MACROD2: variants seen among roughly 807,000 people sequenced by gnomAD.
MACROD2 encodes the protein mono-ADP ribosylhydrolase 2, also known as ADP-ribose glycohydrolase MACROD2.
Under a neutral mutation model 70.4 loss-of-function variants are expected in MACROD2, and 36 were observed. The ratio of observed to expected loss-of-function variants is 0.51; its 90% CI spans 0.39 to 0.68. MACROD2 has a LOEUF of 0.68. Among genes scored for constraint, MACROD2 ranks in the 30% least tolerant of loss-of-function variants. MACROD2 has a pLI of 0.00. For synonymous variants in MACROD2, 172 were observed against 178.8 expected, an observed-to-expected ratio of 0.96 and a Z score of 0.30; for missense variants, 496 against 538.4, an observed-to-expected ratio of 0.92 and a Z score of 0.78.
At chr20:14,943,475 ATT>A (rs2074406734) in intron 5 of MACROD2, among the ~76,000 whole-genome samples, 1 of 149,528 alleles carries the variant, frequency 6.7e-6, no homozygotes, top group Non-Finnish European at 1.5e-5. Flanking sequence ...TTTAAAGTTT[ATT>A]AAGTCTAATT....
intron 4 of MACROD2, chr20:14,622,917 C>G (rs984935858): frequency 2.0e-5 from 3 of 152,200 alleles, no homozygotes; most frequent in African/African-American, 7.2e-5. Flanking sequence ...AACCGAGGCA[C>G]TATTTCCCCA....
At chr20:15,460,164 C>T (rs1025801520) in intron 7 of MACROD2, among the ~76,000 whole-genome samples, 2 of 152,140 alleles carry the variant, frequency 1.3e-5, no homozygotes, top group Non-Finnish European at 2.9e-5. Context: ...ACTCTACTCC[C>T]GTTTGAACCC....
intron 3 of MACROD2, among the ~76,000 whole-genome samples, chr20:14,445,039 C>G (rs987336333): frequency 6.6e-6 from 1 of 152,032 alleles, no homozygotes; most frequent in Non-Finnish European, 1.5e-5. Context: ...AACACAGCAG[C>G]CAATGTGGTC....
intron 5 of MACROD2, among the ~76,000 whole-genome samples, chr20:14,940,860 T>C (rs1231392922): frequency 6.6e-6 from 1 of 152,150 alleles, no homozygotes; most frequent in East Asian, 1.9e-4. Flanking sequence ...GTTTTCTTTG[T>C]TTGTTGTGTC....
At chr20:14,651,777 C>T (rs555345393) in intron 4 of MACROD2, among the ~76,000 whole-genome samples, 1 of 152,304 alleles carries the variant, frequency 6.6e-6, no homozygotes, top group East Asian at 1.9e-4. Flanking sequence ...TCTGCATGGA[C>T]TCCAACTATC....
chr20:14,527,444 C>T (rs555891642), intron 4 of MACROD2, among the ~76,000 whole-genome samples: 1 of 152,046 alleles, frequency 6.6e-6, no homozygotes, highest in Non-Finnish European at 1.5e-5. Context: ...TTAAAGGGAC[C>T]ACTCTCTTCC....
At chr20:14,132,635 T>G (rs1258950605) in intron 3 of MACROD2, among the ~76,000 whole-genome samples, 1 of 152,144 alleles carries the variant, frequency 6.6e-6, no homozygotes, top group Non-Finnish European at 1.5e-5. Flanking sequence ...GAAATCTGTT[T>G]CTTTTTCTTT....
rs184386463 is a variant in MACROD2, at chr20:14,793,972, G to A, written c.418+109013G>A. ...GCCAGTTTCATACCAGTGTCCTATG[G>A]CAGAATCTAACAGGGAGCCAGCTGT... On this transcript the variant is annotated intron_variant, in intron 5 of 17. Coordinates refer to ENST00000684519, the MANE Select transcript of MACROD2 (RefSeq NM_001351661.2). Among the ~76,000 whole-genome samples, 385 of 152,164 alleles carry A rather than the reference G, an allele frequency of 2.5e-3. 9 individuals are homozygous for A. Among genetic ancestry groups the A allele is most frequent in the Admixed American group, 0.024 (365 of 15,272 alleles).
At chr20:15,165,799 A>G (rs2076379735) in intron 5 of MACROD2, among the ~76,000 whole-genome samples, 1 of 152,210 alleles carries the variant, frequency 6.6e-6, no homozygotes, top group African/African-American at 2.4e-5. Flanking sequence ...TAAGAATATA[A>G]GGGTTTTTTT....
chr20:14,498,581 G>C (rs2084882259), intron 4 of MACROD2, among the ~76,000 whole-genome samples: 1 of 152,168 alleles, frequency 6.6e-6, no homozygotes, highest in African/African-American at 2.4e-5. Flanking sequence ...GGATTCTGCT[G>C]GCATAGTCTT....
At chr20:15,078,674 C>G (rs944043289) in intron 5 of MACROD2, among the ~76,000 whole-genome samples, 3 of 151,718 alleles carry the variant, frequency 2.0e-5, no homozygotes, top group African/African-American at 7.3e-5. Flanking sequence ...TCACTAGTTA[C>G]ATACCTCCTT....
At chr20:16,024,596 G>A (rs1298096788) in intron 15 of MACROD2, among the ~76,000 whole-genome samples, 2 of 152,084 alleles carry the variant, frequency 1.3e-5, no homozygotes, top group Non-Finnish European at 2.9e-5. Context: ...ACTGGTAAAG[G>A]AGAGCCTGCC....
At chr20:14,292,725 C>T (rs770446086) in intron 3 of MACROD2, among the ~76,000 whole-genome samples, 5 of 151,132 alleles carry the variant, frequency 3.3e-5, no homozygotes, top group Non-Finnish European at 7.4e-5. Context: ...ACCTCCGCCT[C>T]CCAGGTTCAA....
At chr20:14,053,965 G>T (rs138196385) in intron 2 of MACROD2, among the ~76,000 whole-genome samples, 3 of 151,922 alleles carry the variant, frequency 2.0e-5, no homozygotes, top group East Asian at 3.9e-4. Context: ...GATCCTAAAC[G>T]GTAAATTAAT....
chr20:15,369,359 CA>C lies in MACROD2; in HGVS notation c.541-62045del, dbSNP rs530628891. On this transcript the variant is annotated intron_variant, in intron 6 of 17. Transcript: ENST00000684519. ...GGTTAGTGGGAAAATACCGTTTTGA[CA>C]GCAGACTTCTGACAGCTTAATAATA... 2.9e-3 allele frequency among the ~76,000 whole-genome samples: 444 copies of C among 152,302 alleles called. 3 individuals are homozygous for C. The highest frequency in any genetic ancestry group is 5.8e-3 in the South Asian group (28 of 4,826).
chr20:14,005,268 A>C (rs1355888470), intron 2 of MACROD2, among the ~76,000 whole-genome samples: 1 of 152,170 alleles, frequency 6.6e-6, no homozygotes, highest in Non-Finnish European at 1.5e-5. Flanking sequence ...ATTACCAAAA[A>C]ATAAAAATAA....
At chr20:14,773,463 C>T (rs758430457) in intron 5 of MACROD2, among the ~76,000 whole-genome samples, 2 of 152,032 alleles carry the variant, frequency 1.3e-5, no homozygotes, top group Non-Finnish European at 2.9e-5. Flanking sequence ...TAAATGAAAT[C>T]ATATATTTGT....
At chr20:14,370,987 A>G (rs2083316918) in intron 3 of MACROD2, among the ~76,000 whole-genome samples, 1 of 152,204 alleles carries the variant, frequency 6.6e-6, no homozygotes, top group African/African-American at 2.4e-5. Flanking sequence ...AATTGTTTAT[A>G]CAACAGACTT....
At chr20:15,188,113 A>T (rs2076545637) in intron 5 of MACROD2, among the ~76,000 whole-genome samples, 1 of 152,142 alleles carries the variant, frequency 6.6e-6, no homozygotes, top group Non-Finnish European at 1.5e-5. Context: ...ATATATTAAT[A>T]TATTTTTGCA....
Sources: gnomAD v4.1 joint callset for allele counts (sites outside exome capture counted in the v4.1 genomes callset) on GRCh38, gnomAD v4.1.1 for gene constraint, MANE v1.5 for transcripts, NCBI Gene and HGNC (gene_info 2026-07-23, HGNC 2026-07-21) for gene names.